LHFPL3: variants seen among roughly 807,000 people sequenced by gnomAD.
LHFPL3 encodes the protein LHFPL tetraspan subfamily member 3 protein.
A neutral mutation model predicts 19.3 loss-of-function variants in LHFPL3; 5 were observed. That is an observed-to-expected ratio of 0.26 (90% CI 0.14 to 0.54). The LOEUF is 0.54. Among genes scored for constraint, LHFPL3 ranks in the 20% least tolerant of loss-of-function variants. LHFPL3 has a pLI of 0.94. For synonymous variants in LHFPL3, 133 were observed against 126.2 expected, an observed-to-expected ratio of 1.05 and a Z score of -0.36; for missense variants, 249 against 307.4, an observed-to-expected ratio of 0.81 and a Z score of 1.42.
chr7:104,646,844 A>C (rs1791944687), intron 1 of LHFPL3, among the ~76,000 whole-genome samples: 1 of 152,210 alleles, frequency 6.6e-6, no homozygotes, highest in Non-Finnish European at 1.5e-5. Flanking sequence ...ACTTCTTTTG[A>C]ATACCAGATT....
At chr7:104,477,772 G>A (rs1793052414) in intron 1 of LHFPL3, among the ~76,000 whole-genome samples, 2 of 151,846 alleles carry the variant, frequency 1.3e-5, no homozygotes, top group Admixed American at 1.3e-4. Flanking sequence ...AAAAGAGAAA[G>A]GAATGCATTC....
At chr7:104,593,070 T>G (rs1392166999) in intron 1 of LHFPL3, among the ~76,000 whole-genome samples, 1 of 152,182 alleles carries the variant, frequency 6.6e-6, no homozygotes, top group African/African-American at 2.4e-5. Flanking sequence ...TTATTTCTTA[T>G]CTTCTGCTAG....
intron 2 of LHFPL3, among the ~76,000 whole-genome samples, chr7:104,882,155 T>C (rs1267598279): frequency 6.6e-6 from 1 of 152,226 alleles, no homozygotes; most frequent in Non-Finnish European, 1.5e-5. Flanking sequence ...GATGAAGTAC[T>C]GACACATGCT....
chr7:104,465,624 G>A (rs985089448), intron 1 of LHFPL3, among the ~76,000 whole-genome samples: 1 of 152,178 alleles, frequency 6.6e-6, no homozygotes, highest in African/African-American at 2.4e-5. Context: ...GAGAGCAAGT[G>A]GGGGAAAGCC....
At chr7:104,833,382 TATAATAGG>T (rs1791027642) in intron 2 of LHFPL3, among the ~76,000 whole-genome samples, 1 of 4,942 alleles carries the variant, frequency 2.0e-4, no homozygotes, top group Non-Finnish European at 3.7e-4. Flanking sequence ...ATATTATATA[TATAATAGG>T]ATATATATAT....
At chr7:104,546,783 C>T (rs1462103754) in intron 1 of LHFPL3, among the ~76,000 whole-genome samples, 1 of 152,084 alleles carries the variant, frequency 6.6e-6, no homozygotes, top group African/African-American at 2.4e-5. Flanking sequence ...TCCTGGAGAC[C>T]TGGGTTCAAA....
intron 1 of LHFPL3, among the ~76,000 whole-genome samples, chr7:104,397,813 G>A (rs1226306918): frequency 6.6e-6 from 1 of 152,226 alleles, no homozygotes; most frequent in Admixed American, 6.5e-5. Context: ...TGGCTTTGGA[G>A]GAAGTGTGGG....
At chr7:104,679,349 C>A (rs978994987) in intron 1 of LHFPL3, among the ~76,000 whole-genome samples, 6 of 152,238 alleles carry the variant, frequency 3.9e-5, no homozygotes, top group Non-Finnish European at 8.8e-5. Context: ...GCTGCAATGT[C>A]TTTTATGACT....
Position 104,737,775 on chromosome 7 carries a change from T to C in LHFPL3, c.682+864T>C, listed in dbSNP as rs57698969. Among the ~76,000 whole-genome samples the C allele has an allele frequency of 4.6e-3, 698 of 152,344 alleles. 30 individuals are homozygous for C. In the East Asian group the frequency reaches 0.1, roughly 22 times the overall value. On this transcript the variant is annotated intron_variant, in intron 2 of 2. Transcript: ENST00000424859. ...GTGCACTTACATTATCACCTTTAGC[T>C]GAGTGGCTCCTTCTTCTAGCTCTTA...
intron 1 of LHFPL3, among the ~76,000 whole-genome samples, chr7:104,483,870 C>T (rs1034567667): frequency 4.6e-5 from 7 of 152,126 alleles, no homozygotes; most frequent in Admixed American, 3.9e-4. Flanking sequence ...AGCGATCCTC[C>T]CACCTTGGCC....
intron 1 of LHFPL3, among the ~76,000 whole-genome samples, chr7:104,629,138 T>C (rs1160144199): frequency 2.0e-5 from 3 of 152,216 alleles, no homozygotes; most frequent in Non-Finnish European, 4.4e-5. Context: ...CAGCTGATGA[T>C]TAAATAAGTC....
At position 104,374,245 on chromosome 7, in the gene LHFPL3, C is replaced by T. The variant is rs200027638; in HGVS notation, c.445+45021C>T. ...GTGTGTGTGTGTGTGTGTGTGTATA[C>T]ATATATATTTTTTTTAAGACAGAAT... On this transcript the variant is annotated intron_variant, in intron 1 of 2. Coordinates refer to ENST00000424859, the MANE Select transcript of LHFPL3 (RefSeq NM_199000.3). Among the ~76,000 whole-genome samples, 510 of 136,472 alleles carry T rather than the reference C, an allele frequency of 3.7e-3. 3 individuals are homozygous for T. The highest frequency in any genetic ancestry group is 0.013 in the African/African-American group (465 of 36,524). The allele number at this position is 136,472 out of a possible 152,430, so 89.5% of individuals were successfully genotyped here.
intron 2 of LHFPL3, among the ~76,000 whole-genome samples, chr7:104,754,687 A>T (rs1794249944): frequency 6.6e-6 from 1 of 152,234 alleles, no homozygotes; most frequent in Admixed American, 6.5e-5. Flanking sequence ...TGGCCTCATG[A>T]TGCAGATCAA....
At chr7:104,381,290 G>A (rs928789150) in intron 1 of LHFPL3, among the ~76,000 whole-genome samples, 4 of 152,270 alleles carry the variant, frequency 2.6e-5, no homozygotes, top group African/African-American at 7.2e-5. Flanking sequence ...TTGAGCAGAC[G>A]TTAAACAGGG....
chr7:104,789,709 C>A (rs538715483), intron 2 of LHFPL3, among the ~76,000 whole-genome samples: 7 of 152,040 alleles, frequency 4.6e-5, no homozygotes, highest in Non-Finnish European at 8.8e-5. Flanking sequence ...ATAATGTAGC[C>A]ATCCATTCAT....
At chr7:104,779,845 C>G (rs1384312970) in intron 2 of LHFPL3, among the ~76,000 whole-genome samples, 1 of 152,220 alleles carries the variant, frequency 6.6e-6, no homozygotes, top group Non-Finnish European at 1.5e-5. Flanking sequence ...CTGCAAGACT[C>G]CGTCGCCGGA....
In LHFPL3 at chr7:104,624,614, G is replaced by A. The variant is rs368430604; in HGVS notation, c.446-112061G>A. ...CTCTGCTTCTTAGATATAGCTCATG[G>A]GTAAGGAGGGTAATTATTTTGAACT... On this transcript the variant is annotated intron_variant, in intron 1 of 2. Coordinates refer to ENST00000424859, the MANE Select transcript of LHFPL3 (RefSeq NM_199000.3). Among the ~76,000 whole-genome samples the A allele has an allele frequency of 3.9e-5, 6 of 152,272 alleles. No homozygotes were observed. In the East Asian group the frequency reaches 1.2e-3, roughly 29 times the overall value.
chr7:104,655,964 G>C (rs73713026), intron 1 of LHFPL3, among the ~76,000 whole-genome samples: 3 of 152,040 alleles, frequency 2.0e-5, no homozygotes, highest in African/African-American at 4.8e-5. Context: ...AAAATGACTC[G>C]TAGGGCTTTT....
intron 1 of LHFPL3, among the ~76,000 whole-genome samples, chr7:104,385,949 A>C (rs1790933373): frequency 6.6e-6 from 1 of 152,194 alleles, no homozygotes; most frequent in Non-Finnish European, 1.5e-5. Flanking sequence ...GCAAAAAAAA[A>C]AAATCATCAA....
Sources: allele counts gnomAD v4.1 joint callset (sites outside exome capture counted in the v4.1 genomes callset), GRCh38; gene constraint gnomAD v4.1.1; transcripts MANE v1.5; gene names NCBI Gene and HGNC (gene_info 2026-07-23, HGNC 2026-07-21).